The following APOBEC3C variants were observed in gnomAD, a reference collection of about 807,000 sequenced individuals.
The protein encoded by APOBEC3C is DNA dC->dU-editing enzyme APOBEC-3C.
Under a neutral mutation model 20.6 loss-of-function variants are expected in APOBEC3C, and 14 were observed. That is an observed-to-expected ratio of 0.68 (90% CI 0.45 to 1.06). The LOEUF (loss-of-function observed/expected upper bound fraction) is 1.06. Ranked by LOEUF, APOBEC3C falls within the 50% of genes least tolerant of loss-of-function variation. The pLI is 0.00. For missense variants in APOBEC3C, 244 were observed against 241.9 expected (o/e 1.01, Z -0.06); for synonymous variants, 98 against 88.8 (o/e 1.10, Z -0.58).
intron 1 of APOBEC3C, 96 bp from the exon 2 acceptor site, chr22:39,015,499 C>G (rs1401152132): frequency 1.4e-6 from 2 of 1,433,248 alleles, no homozygotes; most frequent in Non-Finnish European, 1.9e-6. Flanking sequence ...AGGCCCAGAG[C>G]CCAGGGACGT....
rs769825476 is a variant in APOBEC3C at position 39,018,018 on chromosome 22, GT to G, written c.428del (p.Val143AlafsTer32). The G allele has an allele frequency of 6.2e-7, 1 of 1,614,180 alleles. No individual in the cohort carries two copies. The highest frequency in any genetic ancestry group is 1.1e-5 in the South Asian group (1 of 91,082). On this transcript the variant is annotated frameshift_variant, in exon 3 of 4. Transcript: ENST00000361441. LOFTEE classifies it low-confidence loss of function (END_TRUNC). Reference sequence around the variant, plus strand: ...GCTCCGCAGCCTGAGTCAGGAAGGGGTCGCTGTGGAGATCATGGACTATGAA... The same window carrying G: ...GCTCCGCAGCCTGAGTCAGGAAGGGGCGCTGTGGAGATCATGGACTATGAA... The part of the protein sequence containing the change: ...EGLRSLSQEG[V>X]AVEIMDYEDF...
intron 2 of APOBEC3C, among the ~76,000 whole-genome samples, chr22:39,016,075 G>A (rs938514692): frequency 1.3e-5 from 2 of 151,196 alleles, no homozygotes; most frequent in East Asian, 3.9e-4. Context: ...ACAGGATTTT[G>A]CCATGTTGGC....
In APOBEC3C at chr22:39,014,296, C is replaced by T; in HGVS notation, c.-67C>T. On this transcript the variant is annotated 5_prime_UTR_variant, in exon 1 of 4. Coordinates refer to ENST00000361441, the MANE Select transcript of APOBEC3C (RefSeq NM_014508.3). Reference sequence around the variant, plus strand: ...TGCTCAACTGCAAGGACGCTGTAAGCAGGAAGAGAAGCCACAGCGCTTCAG... The same window carrying T: ...TGCTCAACTGCAAGGACGCTGTAAGTAGGAAGAGAAGCCACAGCGCTTCAG... 6.2e-7 allele frequency: 1 copy of T among 1,602,756 alleles called. No homozygotes were observed. The highest frequency in any genetic ancestry group is 2.2e-5 in the East Asian group (1 of 44,760).
At position 39,018,311 on chromosome 22, in the gene APOBEC3C, A is replaced by C. The variant is rs1924879561; in HGVS notation, c.497A>C (p.Glu166Ala). 1 of 1,614,040 alleles carries C rather than the reference A, an allele frequency of 6.2e-7. No individual in the cohort carries two copies. The highest frequency in any genetic ancestry group is 1.1e-5 in the South Asian group (1 of 91,092). Residue 166 changes from glutamate to alanine, a missense_variant, in exon 4 of 4, where the codon GAG (glutamate) becomes GCG (alanine). Transcript: ENST00000361441. ...GAAAACTTTGTGTACAATGATAATG[A>C]GCCATTCAAGCCTTGGAAGGGATTA... ...CWENFVYNDNEPFKPWKGLKT... is the reference protein window; with the variant it reads ...CWENFVYNDNAPFKPWKGLKT...
chr22:39,016,214 T>TTTATTTATTTATTTATTTATTTA (rs1341965540), intron 2 of APOBEC3C, among the ~76,000 whole-genome samples: 24 of 149,758 alleles, frequency 1.6e-4, no homozygotes, highest in East Asian at 2.0e-4. Context: ...TATTTATTTA[T>TTTATTTATTTATTTATTTATTTA]TTTGAGACGG....
At position 39,020,150 on chromosome 22, in the gene APOBEC3C, C is replaced by T. The variant is rs1924990412; in HGVS notation, c.*1763C>T. On this transcript the variant is annotated 3_prime_UTR_variant, in exon 4 of 4. Transcript: ENST00000361441. The stretch of plus-strand genomic sequence containing the variant: ...AATAAGCATGGACTGCAACCACCTA[C>T]ATGAATATTCATAGCTCCTCCTGTA... 2 of 152,198 alleles carry T rather than the reference C, an allele frequency of 1.3e-5. No individual in the cohort carries two copies. Among genetic ancestry groups the T allele is most frequent in the Admixed American group, 6.5e-5 (1 of 15,278 alleles). The allele number at this position is 152,198 out of a possible 1,614,324, so 9.4% of individuals were successfully genotyped here.
chr22:39,017,715 C>T (rs766637976), intron 2 of APOBEC3C, 51 bp from the exon 3 acceptor site: 1 of 1,587,384 alleles, frequency 6.3e-7, no homozygotes, highest in South Asian at 1.2e-5. Flanking sequence ...CCCCTGCACT[C>T]CTCCTGCTCC....
chr22:39,014,459 C>CCCCCCG, intron 1 of APOBEC3C, 80 bp downstream of exon 1: 2 of 1,580,648 alleles, frequency 1.3e-6, no homozygotes, highest in East Asian at 2.2e-5. Flanking sequence ...GCCCTGGCCT[C>CCCCCCG]CCCCTGCCCC....
chr22:39,014,717 T>G (rs923171524), intron 1 of APOBEC3C, among the ~76,000 whole-genome samples: 19 of 152,198 alleles, frequency 1.2e-4, no homozygotes, highest in African/African-American at 3.9e-4. Context: ...ACTGGGAGAA[T>G]TGAACCAAAG....
rs200752600 is a variant in APOBEC3C at position 39,015,706 on chromosome 22, G to A, written c.129G>A (p.Lys43=). 2.2e-4 allele frequency: 360 copies of A among 1,613,998 alleles called. 1 individual carries two copies. Among genetic ancestry groups the A allele is most frequent in the Non-Finnish European group, 2.9e-4 (345 of 1,180,034 alleles). The change falls in exon 2 of 4, where the codon AAG becomes AAA. Residue 43 remains lysine, a synonymous_variant. Coordinates refer to ENST00000361441, the MANE Select transcript of APOBEC3C (RefSeq NM_014508.3). ...TGTGCTTCACCGTGGAAGGTATAAAGCGCCGCTCAGTTGTCTCCTGGAAGA... is the reference window on the plus strand; with the variant it reads ...TGTGCTTCACCGTGGAAGGTATAAAACGCCGCTCAGTTGTCTCCTGGAAGA... ...TWLCFTVEGI[K]RRSVVSWKTG...
chr22:39,019,098 G>A lies in APOBEC3C; in HGVS notation c.*711G>A, dbSNP rs1219505441. ...TTGTAAATTTCATCCTATGAATTGG[G>A]TCATTCATGTCCTACCCAGCTAAAA... On this transcript the variant is annotated 3_prime_UTR_variant, in exon 4 of 4. Coordinates refer to ENST00000361441, the MANE Select transcript of APOBEC3C (RefSeq NM_014508.3). 2 of 152,224 alleles carry A rather than the reference G, an allele frequency of 1.3e-5. No individual in the cohort carries two copies. The highest frequency in any genetic ancestry group is 2.9e-5 in the Non-Finnish European group (2 of 68,064). The allele number at this position is 152,224 out of a possible 1,614,324, so 9.4% of individuals were successfully genotyped here.
chr22:39,017,561 G>A (rs1969642), intron 2 of APOBEC3C, among the ~76,000 whole-genome samples: 64,508 of 151,826 alleles, frequency 0.42, 14,621 homozygotes, highest in African/African-American at 0.57. Context: ...GATTCCTTGA[G>A]CCTGGGAGGT....
chr22:39,014,284 G>A lies in APOBEC3C; in HGVS notation c.-79G>A. 1.3e-6 allele frequency: 2 copies of A among 1,581,322 alleles called. No individual in the cohort carries two copies. Among genetic ancestry groups the A allele is most frequent in the Admixed American group, 1.7e-5 (1 of 59,934 alleles). On this transcript the variant is annotated 5_prime_UTR_variant, in exon 1 of 4. Coordinates refer to ENST00000361441, the MANE Select transcript of APOBEC3C (RefSeq NM_014508.3). ...TTTAAAGAGGGCTGCTCAACTGCAA[G>A]GACGCTGTAAGCAGGAAGAGAAGCC...
At chr22:39,014,831 G>A (rs540381323) in intron 1 of APOBEC3C, among the ~76,000 whole-genome samples, 2 of 152,098 alleles carry the variant, frequency 1.3e-5, no homozygotes, top group Non-Finnish European at 2.9e-5. Context: ...GTGGGGGAGG[G>A]AATGGTCTCT....
At position 39,017,752 on chromosome 22, in the gene APOBEC3C, T is replaced by G. The variant is rs1003848518; in HGVS notation, c.175-14T>G. The G allele has an allele frequency of 3.4e-5, 54 of 1,609,632 alleles. No individual in the cohort carries two copies. The highest frequency in any genetic ancestry group is 4.5e-5 in the Non-Finnish European group (53 of 1,176,770). ...GGTCTGAGCTCCCCTGTCCTCCTCC[T>G]CCTCCTTCGCCAGGTGGATTCTGAG... is the stretch of plus-strand genomic sequence containing the variant. On this transcript the variant is annotated splice_polypyrimidine_tract_variant and intron_variant, in intron 2 of 3. Coordinates refer to ENST00000361441, the MANE Select transcript of APOBEC3C (RefSeq NM_014508.3).
chr22:39,015,664 TCGGAACGAAA>T lies in APOBEC3C; in HGVS notation c.89_98del (p.Arg30LeufsTer10). ...TTAAAAACCTATGGGAAGCCAACGATCGGAACGAAACTTGGCTGTGCTTCACCGTGGAAGG... is the reference window on the plus strand; with the variant it reads ...TTAAAAACCTATGGGAAGCCAACGATCTTGGCTGTGCTTCACCGTGGAAGG... On this transcript the variant is annotated frameshift_variant, in exon 2 of 4. Transcript: ENST00000361441. LOFTEE classifies it high-confidence loss of function. The T allele has an allele frequency of 6.2e-7, 1 of 1,614,100 alleles. No individual in the cohort carries two copies. Among genetic ancestry groups the T allele is most frequent in the Non-Finnish European group, 8.5e-7 (1 of 1,180,008 alleles).
rs777126598 is a variant in APOBEC3C, at chr22:39,017,928, A to G, written c.337A>G (p.Asn113Asp). The G allele has an allele frequency of 1.9e-6, 3 of 1,614,150 alleles. No homozygotes were observed. Among genetic ancestry groups the G allele is most frequent in the Non-Finnish European group, 2.5e-6 (3 of 1,180,018 alleles). ...EVAEFLARHS[N>D]VNLTIFTARL... ...GGCCGAGTTCCTGGCCAGGCACAGC[A>G]ACGTGAATCTCACCATCTTCACCGC... Residue 113 changes from asparagine (N) to aspartate (D), a missense_variant, in exon 3 of 4, where the codon AAC becomes GAC. By Grantham distance (23) the Asn-to-Asp change is conservative (BLOSUM62 1). Transcript: ENST00000361441.
At chr22:39,016,710 G>T (rs921740879) in intron 2 of APOBEC3C, among the ~76,000 whole-genome samples, 4 of 152,144 alleles carry the variant, frequency 2.6e-5, no homozygotes, top group Non-Finnish European at 4.4e-5. Context: ...TGTGGGAAGC[G>T]GGGGGTGTTG....
At chr22:39,016,363 C>A (rs1364125253) in intron 2 of APOBEC3C, among the ~76,000 whole-genome samples, 1 of 141,520 alleles carries the variant, frequency 7.1e-6, no homozygotes, top group Non-Finnish European at 1.5e-5. Context: ...CCATGCCCAG[C>A]TAATTTTTTC....
Sources: gnomAD v4.1 joint callset for allele counts (sites outside exome capture counted in the v4.1 genomes callset) on GRCh38, gnomAD v4.1.1 for gene constraint, MANE v1.5 for transcripts, NCBI Gene and HGNC (gene_info 2026-07-23, HGNC 2026-07-21) for gene names.